Variants in SORBS2 observed in about 807,000 individuals in gnomAD.
SORBS2 encodes sorbin and SH3 domain containing 2.
A neutral mutation model predicts 97.7 loss-of-function variants in SORBS2; 46 were observed. The observed-to-expected ratio is 0.47, with a 90% CI of 0.37 to 0.60. The LOEUF (loss-of-function observed/expected upper bound fraction) is 0.60. SORBS2 is among the 20% of genes least tolerant of loss of function. The pLI is 0.00. For missense variants in SORBS2, 1,316 were observed against 1,282.3 expected (o/e 1.03, Z -0.40); for synonymous variants, 476 against 473.4 (o/e 1.01, Z -0.07).
intron 1 of SORBS2, among the ~76,000 whole-genome samples, chr4:185,865,007 G>A (rs1361957234): frequency 6.6e-6 from 1 of 152,056 alleles, no homozygotes; most frequent in Admixed American, 6.6e-5. Context: ...AGCAGAAGAG[G>A]AGGAGCCGAT....
intron 12 of SORBS2, among the ~76,000 whole-genome samples, chr4:185,595,274 G>A (rs2096058586): frequency 1.3e-5 from 2 of 152,184 alleles, no homozygotes; most frequent in South Asian, 4.2e-4. Context: ...TTTAAAACTA[G>A]AGTGCGTAAG....
At chr4:185,886,680 A>G (rs6552934) in intron 1 of SORBS2, among the ~76,000 whole-genome samples, 60,317 of 151,872 alleles carry the variant, frequency 0.4, 12,108 homozygotes, top group East Asian at 0.55. Flanking sequence ...TCCGTGTGGG[A>G]AAGTACATGC....
chr4:185,923,648 A>G (rs563892195), intron 1 of SORBS2, among the ~76,000 whole-genome samples: 1 of 151,722 alleles, frequency 6.6e-6, no homozygotes, highest in African/African-American at 2.4e-5. Context: ...TCCACTTGCA[A>G]TCTGATTGGC....
intron 1 of SORBS2, among the ~76,000 whole-genome samples, chr4:185,825,234 G>A (rs562181414): frequency 6.7e-6 from 1 of 150,342 alleles, no homozygotes; most frequent in East Asian, 1.9e-4. Context: ...ACTGTACTGA[G>A]TATCATTTAT....
rs59236833 is a variant in SORBS2 at position 185,705,646 on chromosome 4, GCTATACAC to G, written c.-197-26832_-197-26825del. On this transcript the variant is annotated intron_variant, in intron 2 of 20. Transcript: ENST00000284776. ...AATGGGGGTTTTCCGTTTTTTCACT[GCTATACAC>G]TCAGCCTCTAACAATATCTGGTACA... 7.5e-3 allele frequency among the ~76,000 whole-genome samples: 1,142 copies of G among 152,172 alleles called. 14 individuals carry two copies. Among genetic ancestry groups the G allele is most frequent in the African/African-American group, 0.026 (1,089 of 41,508 alleles).
chr4:185,747,456 A>G (rs1480879468), intron 2 of SORBS2, among the ~76,000 whole-genome samples: 1 of 152,252 alleles, frequency 6.6e-6, no homozygotes, highest in East Asian at 1.9e-4. Context: ...CTGACTGGAA[A>G]GAAGCAGAGG....
At position 185,862,386 on chromosome 4, in the gene SORBS2, G is replaced by A. The variant is rs1055584287; in HGVS notation, c.-337-87020C>T. 6.6e-5 allele frequency among the ~76,000 whole-genome samples: 10 copies of A among 152,322 alleles called. No homozygotes were observed. The South Asian group carries it at 1.5e-3, about 22-fold the overall frequency. On this transcript the variant is annotated intron_variant, in intron 1 of 20. Transcript: ENST00000284776. ...TGACAGGTTGTAGAGGCATGAGAGC[G>A]ACAGGATATATTTGACTTTGAGCAA...
chr4:185,611,499 C>T (rs2096538230), intron 12 of SORBS2, among the ~76,000 whole-genome samples: 1 of 151,890 alleles, frequency 6.6e-6, no homozygotes. Flanking sequence ...AGATATATAT[C>T]ATACGAGACT....
intron 1 of SORBS2, among the ~76,000 whole-genome samples, chr4:185,878,582 C>A (rs2099234985): frequency 6.6e-6 from 1 of 152,120 alleles, no homozygotes; most frequent in African/African-American, 2.4e-5. Context: ...ATAGAACGAT[C>A]GCCCATCACC....
intron 1 of SORBS2, among the ~76,000 whole-genome samples, chr4:185,909,561 T>TA (rs555879915): frequency 8.5e-5 from 12 of 140,860 alleles, no homozygotes; most frequent in South Asian, 2.3e-4. Flanking sequence ...AATAAAAGGG[T>TA]AAAAAAAAGA....
chr4:185,921,857 A>G (rs979410242), intron 1 of SORBS2, among the ~76,000 whole-genome samples: 11 of 152,188 alleles, frequency 7.2e-5, no homozygotes, highest in Non-Finnish European at 1.2e-4. Context: ...TTCCAGTATC[A>G]ACACTCTTCA....
chr4:185,852,373 A>G (rs2099218382), intron 1 of SORBS2, among the ~76,000 whole-genome samples: 1 of 152,166 alleles, frequency 6.6e-6, no homozygotes, highest in South Asian at 2.1e-4. Context: ...GCAGAGTGAG[A>G]TACTATTCTC....
chr4:185,891,561 T>A (rs1177550178), intron 1 of SORBS2, among the ~76,000 whole-genome samples: 1 of 152,166 alleles, frequency 6.6e-6, no homozygotes, highest in African/African-American at 2.4e-5. Flanking sequence ...TTTTGAAATG[T>A]CTTTTCAGGT....
intron 1 of SORBS2, among the ~76,000 whole-genome samples, chr4:185,913,469 G>A (rs1283382746): frequency 1.3e-5 from 2 of 152,170 alleles, no homozygotes; most frequent in African/African-American, 4.8e-5. Context: ...CTTTCGAGAC[G>A]AGTCTAAACC....
intron 2 of SORBS2, among the ~76,000 whole-genome samples, chr4:185,721,093 T>C (rs2098510103): frequency 1.4e-5 from 2 of 142,532 alleles, no homozygotes; most frequent in East Asian, 4.0e-4. Context: ...TCTTTTTTTT[T>C]TTTTTTTTTT....
chr4:185,709,304 C>CTTTT (rs70962587), intron 2 of SORBS2, among the ~76,000 whole-genome samples: 3,777 of 96,658 alleles, frequency 0.039, 313 homozygotes, highest in Middle Eastern at 0.063. Flanking sequence ...CTGGCCAAAT[C>CTTTT]TTTTTTTTTT....
upstream of SORBS2, among the ~76,000 whole-genome samples, chr4:185,658,613 C>T (rs995953709): frequency 5.3e-5 from 8 of 150,702 alleles, no homozygotes; most frequent in Non-Finnish European, 8.8e-5. Context: ...GGGTGGGACT[C>T]ATTGATATCA....
chr4:185,796,345 G>A (rs192620101), intron 1 of SORBS2, among the ~76,000 whole-genome samples: 1 of 152,370 alleles, frequency 6.6e-6, no homozygotes, highest in Admixed American at 6.5e-5. Context: ...GCTCTGGTCT[G>A]CTTGCTCGAT....
chr4:185,773,419 C>G (rs2098982995), intron 2 of SORBS2: 1 of 152,236 alleles, frequency 6.6e-6, no homozygotes, highest in Non-Finnish European at 1.5e-5. Flanking sequence ...GACTGAACAT[C>G]TCTAGGTTTT....
Sources: gnomAD v4.1 joint callset for allele counts (sites outside exome capture counted in the v4.1 genomes callset) on GRCh38, gnomAD v4.1.1 for gene constraint, MANE v1.5 for transcripts, NCBI Gene and HGNC (gene_info 2026-07-23, HGNC 2026-07-21) for gene names.